NPL: variants seen among roughly 807,000 people sequenced by gnomAD.
The protein encoded by NPL is N-acetylneuraminate pyruvate lyase.
In NPL, 32 loss-of-function variants were observed where a neutral mutation model predicts 41.1. That is an observed-to-expected ratio of 0.78 (90% CI 0.59 to 1.05). The LOEUF is 1.05. Ranked by LOEUF, NPL falls within the 50% of genes least tolerant of loss-of-function variation. NPL has a pLI of 0.00. For missense variants in NPL, 321 were observed against 378.4 expected, an observed-to-expected ratio of 0.85 and a Z score of 1.26; for synonymous variants, 128 against 134.9, an observed-to-expected ratio of 0.95 and a Z score of 0.35.
At chr1:182,814,561 A>C (rs1007652998) in intron 6 of NPL, among the ~76,000 whole-genome samples, 1 of 152,206 alleles carries the variant, frequency 6.6e-6, no homozygotes, top group Admixed American at 6.5e-5. Context: ...ACAAAATATG[A>C]AGTATAAGAT....
chr1:182,802,377 CAG>C (rs1666872893), intron 3 of NPL, among the ~76,000 whole-genome samples: 1 of 152,244 alleles, frequency 6.6e-6, no homozygotes, highest in Admixed American at 6.5e-5. Context: ...CTTTTAAACT[CAG>C]AGTCAGCTGT....
chr1:182,796,590 A>G (rs1666673492), intron 3 of NPL, among the ~76,000 whole-genome samples: 1 of 152,186 alleles, frequency 6.6e-6, no homozygotes, highest in Non-Finnish European at 1.5e-5. Flanking sequence ...CTCAGTAACA[A>G]TTCAGCTTTC....
intron 5 of NPL, among the ~76,000 whole-genome samples, chr1:182,809,539 TAAA>T (rs35178861): frequency 1.6e-5 from 2 of 125,526 alleles, no homozygotes; most frequent in Non-Finnish European, 1.7e-5. Flanking sequence ...GACTCCATCT[TAAA>T]AAAAAAAAAA....
At chr1:182,802,473 T>TG (rs1666877321) in intron 3 of NPL, among the ~76,000 whole-genome samples, 1 of 152,232 alleles carries the variant, frequency 6.6e-6, no homozygotes, top group African/African-American at 2.4e-5. Flanking sequence ...CAGATTTTTT[T>TG]TTTTGTTTTT....
intron 12 of NPL, among the ~76,000 whole-genome samples, chr1:182,827,808 G>C (rs1667669896): frequency 6.6e-6 from 1 of 152,040 alleles, no homozygotes; most frequent in African/African-American, 2.4e-5. Context: ...CATGGGTTTT[G>C]TAATTTTTAG....
At chr1:182,822,061 T>C in intron 10 of NPL, 54 bp from the exon 11 acceptor site, 2 of 1,146,520 alleles carry the variant, frequency 1.7e-6, no homozygotes, top group South Asian at 2.5e-5. Context: ...TTTGAAGATC[T>C]GGACCTTTCC....
At chr1:182,825,961 C>T (rs1237098033) in intron 12 of NPL, 141 bp downstream of exon 12, 9 of 771,080 alleles carry the variant, frequency 1.2e-5, no homozygotes, top group South Asian at 2.8e-5. Flanking sequence ...TATTAACCCT[C>T]GGGGCCAACC....
intron 4 of NPL, among the ~76,000 whole-genome samples, chr1:182,805,652 G>T (rs1029663824): frequency 1.3e-5 from 2 of 152,152 alleles, no homozygotes; most frequent in Non-Finnish European, 2.9e-5. Context: ...AATATCCTTT[G>T]TGCTTATTTA....
chr1:182,807,720 C>CAAAA (rs753955697), intron 5 of NPL, among the ~76,000 whole-genome samples: 1 of 55,426 alleles, frequency 1.8e-5, no homozygotes, highest in Non-Finnish European at 3.9e-5. Flanking sequence ...ACTAAAAATA[C>CAAAA]AAAAAAAAAA....
chr1:182,805,407 G>T (rs545746794), intron 4 of NPL, among the ~76,000 whole-genome samples: 1 of 152,244 alleles, frequency 6.6e-6, no homozygotes, highest in African/African-American at 2.4e-5. Flanking sequence ...CTCCAGCCTG[G>T]GCGACAAGAG....
intron 1 of NPL, among the ~76,000 whole-genome samples, chr1:182,791,834 C>T (rs2102521807): frequency 6.6e-6 from 1 of 152,262 alleles, no homozygotes; most frequent in South Asian, 2.1e-4. Context: ...GACTCAAGCT[C>T]TCAGGACTCT....
intron 3 of NPL, 71 bp from the exon 4 acceptor site, chr1:182,803,627 T>C: frequency 9.7e-7 from 1 of 1,026,126 alleles, no homozygotes; most frequent in Non-Finnish European, 1.5e-6. Context: ...GAGCAGTTTA[T>C]ATACCTGAGC....
intron 10 of NPL, among the ~76,000 whole-genome samples, chr1:182,820,601 T>A (rs1183966532): frequency 6.6e-6 from 1 of 152,212 alleles, no homozygotes; most frequent in African/African-American, 2.4e-5. Context: ...CATGGCAGCG[T>A]GTGCTTGGCT....
intron 4 of NPL, among the ~76,000 whole-genome samples, chr1:182,804,261 C>T (rs1337860875): frequency 2.0e-5 from 3 of 152,034 alleles, no homozygotes; most frequent in Non-Finnish European, 2.9e-5. Flanking sequence ...CCTGGGTAGC[C>T]GGACTATAGG....
intron 5 of NPL, among the ~76,000 whole-genome samples, chr1:182,807,392 G>C (rs1178707192): frequency 6.6e-6 from 1 of 152,166 alleles, no homozygotes; most frequent in Non-Finnish European, 1.5e-5. Context: ...AGCCCATGAT[G>C]ACCTTGGGAA....
Position 182,817,950 on chromosome 1 carries a change from G to C in NPL, c.458-591G>C, listed in dbSNP as rs140935894. Among the ~76,000 whole-genome samples the C allele has an allele frequency of 1.3e-3, 197 of 152,260 alleles. 1 individual carries two copies. Among genetic ancestry groups the C allele is most frequent in the African/African-American group, 4.6e-3 (191 of 41,544 alleles). On this transcript the variant is annotated intron_variant, in intron 8 of 12. Transcript: ENST00000367553. ...GTACCTCATTGGCCATGGGTGATCA[G>C]CTCAATCTTTAGCCCGGCTTTCCTC...
At chr1:182,822,011 A>G (rs1442600393) in intron 10 of NPL, 104 bp from the exon 11 acceptor site, 1 of 777,620 alleles carries the variant, frequency 1.3e-6, no homozygotes, top group Non-Finnish European at 2.3e-6. Context: ...AGACTTTAGG[A>G]GGACTAGGTG....
At chr1:182,812,111 T>A (rs771522837) in intron 5 of NPL, 45 bp from the exon 6 acceptor site, 26 of 1,602,496 alleles carry the variant, frequency 1.6e-5, no homozygotes, top group Middle Eastern at 3.3e-4. Flanking sequence ...CCCTTCTGCA[T>A]GCCTCTAAAC....
At chr1:182,804,552 TC>T (rs1666949558) in intron 4 of NPL, among the ~76,000 whole-genome samples, 1 of 152,192 alleles carries the variant, frequency 6.6e-6, no homozygotes, top group African/African-American at 2.4e-5. Flanking sequence ...CCCTTTTATT[TC>T]ATAGAAGTGA....
Sources: gnomAD v4.1 joint callset for allele counts (sites outside exome capture counted in the v4.1 genomes callset) on GRCh38, gnomAD v4.1.1 for gene constraint, MANE v1.5 for transcripts, NCBI Gene and HGNC (gene_info 2026-07-23, HGNC 2026-07-21) for gene names.